Variants in CREB5 observed in about 807,000 individuals in gnomAD.
CREB5 encodes the protein cyclic AMP-responsive element-binding protein 5.
CREB5 carries 19 observed loss-of-function variants against 57.1 expected under a neutral mutation model. That is an observed-to-expected ratio of 0.33 (90% CI 0.23 to 0.49). The LOEUF (loss-of-function observed/expected upper bound fraction) is 0.49. Among genes scored for constraint, CREB5 ranks in the 20% least tolerant of loss-of-function variants. The pLI is 0.99. For missense variants in CREB5, 579 were observed against 671.6 expected (o/e 0.86, Z 1.52); for synonymous variants, 238 against 238.3 (o/e 1.00, Z 0.01).
chr7:28,716,917 A>G (rs563795747), intron 5 of CREB5, among the ~76,000 whole-genome samples: 1 of 152,168 alleles, frequency 6.6e-6, no homozygotes, highest in Non-Finnish European at 1.5e-5. Context: ...CCAAGAGTAC[A>G]TGTCAAGAAA....
chr7:28,821,031 A>G lies in CREB5; in HGVS notation c.*1752A>G, dbSNP rs1809734573. 6.6e-6 allele frequency: 1 copy of G among 152,562 alleles called. No individual in the cohort carries two copies. The highest frequency in any genetic ancestry group is 1.5e-5 in the Non-Finnish European group (1 of 68,026). The allele number at this position is 152,562 out of a possible 1,614,324, so 9.5% of individuals were successfully genotyped here. A position where few individuals can be genotyped will look rare whatever the true frequency, so the allele number is the denominator to read the frequency against. ...GCCATTCTACTGTGCTAATGTTTTA[A>G]TATCACATCTCACAAATAACAGGGG... is the stretch of plus-strand genomic sequence containing the variant. On this transcript the variant is annotated 3_prime_UTR_variant, in exon 11 of 11. Coordinates refer to ENST00000357727, the MANE Select transcript of CREB5 (RefSeq NM_182898.4).
chr7:28,401,186 TTATAGGG>T (rs1583421597), intron 1 of CREB5, among the ~76,000 whole-genome samples: 1 of 152,100 alleles, frequency 6.6e-6, no homozygotes, highest in Non-Finnish European at 1.5e-5. Flanking sequence ...AGAGCAACTT[TTATAGGG>T]ATGTTAACAT....
chr7:28,776,946 A>G (rs935831309), intron 7 of CREB5, among the ~76,000 whole-genome samples: 2 of 152,222 alleles, frequency 1.3e-5, no homozygotes, highest in African/African-American at 2.4e-5. Context: ...CCATTCATCA[A>G]TTAATGAACA....
At chr7:28,693,393 G>T (rs1191940342) in intron 5 of CREB5, among the ~76,000 whole-genome samples, 1 of 152,210 alleles carries the variant, frequency 6.6e-6, no homozygotes, top group Non-Finnish European at 1.5e-5. Flanking sequence ...ATCTTGAATT[G>T]AAGTCACGTT....
chr7:28,437,660 C>T (rs945245009), intron 1 of CREB5, among the ~76,000 whole-genome samples: 1 of 152,064 alleles, frequency 6.6e-6, no homozygotes, highest in Non-Finnish European at 1.5e-5. Context: ...GTAGTTAGTA[C>T]TATAATCTAA....
intron 4 of CREB5, among the ~76,000 whole-genome samples, chr7:28,511,203 C>T (rs971734342): frequency 1.4e-5 from 2 of 139,104 alleles, no homozygotes; most frequent in African/African-American, 3.0e-5. Context: ...GGGCATGCTG[C>T]GGGTGGTCAG....
At chr7:28,525,976 A>C (rs938083749) in intron 4 of CREB5, among the ~76,000 whole-genome samples, 1 of 152,196 alleles carries the variant, frequency 6.6e-6, no homozygotes, top group Admixed American at 6.5e-5. Flanking sequence ...CTTTCCCTTC[A>C]CTGGATGTAT....
At chr7:28,444,697 G>A (rs553530455) in intron 1 of CREB5, among the ~76,000 whole-genome samples, 3 of 152,268 alleles carry the variant, frequency 2.0e-5, no homozygotes, top group East Asian at 3.9e-4. Flanking sequence ...CTCTCCTGCT[G>A]GTCTGCCCCT....
chr7:28,716,502 AT>A (rs1372866387), intron 5 of CREB5, among the ~76,000 whole-genome samples: 1 of 152,256 alleles, frequency 6.6e-6, no homozygotes, highest in Non-Finnish European at 1.5e-5. Flanking sequence ...AGATGGATAT[AT>A]AGACGGATGG....
intron 1 of CREB5, among the ~76,000 whole-genome samples, chr7:28,341,204 T>C (rs1050441310): frequency 2.0e-5 from 3 of 152,162 alleles, no homozygotes; most frequent in Non-Finnish European, 4.4e-5. Flanking sequence ...GCCATCTTGC[T>C]CCACCTCCTC....
intron 7 of CREB5, among the ~76,000 whole-genome samples, chr7:28,736,224 C>T (rs1265446372): frequency 6.6e-6 from 1 of 152,098 alleles, no homozygotes; most frequent in Admixed American, 6.5e-5. Flanking sequence ...GGCTGGAGTA[C>T]AGTGGTGTGA....
intron 1 of CREB5, among the ~76,000 whole-genome samples, chr7:28,327,005 C>T (rs760861674): frequency 2.0e-5 from 3 of 151,786 alleles, no homozygotes; most frequent in South Asian, 2.1e-4. Flanking sequence ...AAAAATTAGC[C>T]GGGCGTGGTG....
rs920999264 is a variant in CREB5, at chr7:28,605,044, T to TA, written c.464+34515dup. Among the ~76,000 whole-genome samples, 19 of 151,404 alleles carry TA rather than the reference T, an allele frequency of 1.3e-4. 1 individual carries two copies. The South Asian group carries it at 1.9e-3, about 15-fold the overall frequency. On this transcript the variant is annotated intron_variant, in intron 5 of 10. Transcript: ENST00000357727. ...CAGAAAAATTTATGCCCTTTCTCAT[T>TA]AAAAAAAAGAGATAACATTGCACAG...
intron 4 of CREB5, among the ~76,000 whole-genome samples, chr7:28,531,046 G>GT (rs1000705018): frequency 2.0e-4 from 30 of 151,224 alleles, no homozygotes; most frequent in Admixed American, 5.3e-4. Context: ...GTCAAATGTT[G>GT]TTTTTTTTTC....
intron 4 of CREB5, among the ~76,000 whole-genome samples, chr7:28,538,154 A>G (rs1247129429): frequency 3.3e-5 from 5 of 152,094 alleles, no homozygotes; most frequent in African/African-American, 4.8e-5. Context: ...CCCGGGTCCA[A>G]GTGATTCTCT....
At chr7:28,334,661 T>C (rs1358580664) in intron 1 of CREB5, among the ~76,000 whole-genome samples, 2 of 152,198 alleles carry the variant, frequency 1.3e-5, no homozygotes, top group African/African-American at 4.8e-5. Context: ...CTCTTCACTT[T>C]GTTGATTGTT....
intron 1 of CREB5, among the ~76,000 whole-genome samples, chr7:28,463,921 T>A (rs1233601894): frequency 6.6e-6 from 1 of 152,198 alleles, no homozygotes; most frequent in Non-Finnish European, 1.5e-5. Context: ...TATTTCATTT[T>A]CTTGCTTAAT....
At chr7:28,623,706 A>T (rs1330478065) in intron 5 of CREB5, among the ~76,000 whole-genome samples, 2 of 151,504 alleles carry the variant, frequency 1.3e-5, no homozygotes, top group Non-Finnish European at 2.9e-5. Flanking sequence ...TGGCTTAATG[A>T]TAAGTCTCTT....
chr7:28,674,577 A>AG (rs1800229482), intron 5 of CREB5, among the ~76,000 whole-genome samples: 1 of 152,128 alleles, frequency 6.6e-6, no homozygotes, highest in Non-Finnish European at 1.5e-5. Context: ...GCGCAGACCA[A>AG]CCTGCTGAGC....
Sources: allele counts gnomAD v4.1 joint callset (sites outside exome capture counted in the v4.1 genomes callset), GRCh38; gene constraint gnomAD v4.1.1; transcripts MANE v1.5; gene names NCBI Gene and HGNC (gene_info 2026-07-23, HGNC 2026-07-21).